The following BCAN variants were observed in gnomAD, a reference collection of about 807,000 sequenced individuals.
The protein encoded by BCAN is brevican, also known as brevican core protein.
A neutral mutation model predicts 92.4 loss-of-function variants in BCAN; 51 were observed. That is an observed-to-expected ratio of 0.55 (90% CI 0.44 to 0.70). The LOEUF is 0.70. BCAN is among the 30% of genes least tolerant of loss of function. BCAN has a pLI of 0.00. For synonymous variants in BCAN, 501 were observed against 505.2 expected, an observed-to-expected ratio of 0.99 and a Z score of 0.11; for missense variants, 1,140 against 1,212.1, an observed-to-expected ratio of 0.94 and a Z score of 0.88.
intron 8 of BCAN, chr1:156,653,434 C>A (rs984825810): frequency 1.0e-6 from 1 of 991,896 alleles, no homozygotes; most frequent in Admixed American, 5.9e-5. Flanking sequence ...GGAAAACAAG[C>A]CTTGGAAATA....
chr1:156,653,117 C>T (rs1453550053), intron 8 of BCAN: 1 of 1,418,220 alleles, frequency 7.1e-7, no homozygotes, highest in Non-Finnish European at 9.2e-7. Flanking sequence ...CCCAGCCCCG[C>T]CACTGACCAT....
chr1:156,653,566 T>C, intron 8 of BCAN: 1 of 975,432 alleles, frequency 1.0e-6, no homozygotes, highest in Non-Finnish European at 1.2e-6. Context: ...CTTCTCTGGC[T>C]CCATGTCTCT....
At chr1:156,657,154 T>G in intron 10 of BCAN, 58 bp downstream of exon 10, 2 of 1,583,654 alleles carry the variant, frequency 1.3e-6, no homozygotes, top group Non-Finnish European at 1.7e-6. Context: ...TCTCTCTCAC[T>G]CGCCTAACCG....
Position 156,651,601 on chromosome 1 carries a change from G to A in BCAN, c.1209G>A (p.Gly403=), listed in dbSNP as rs1571445333. Residue 403 remains glycine, a synonymous_variant, in exon 7 of 14, where the codon GGG becomes GGA. Transcript: ENST00000329117. ...AAGCCACAGAGAGTGAATCCCGTGG[G>A]GCCATCTACTCCATCCCCATCATGG... ...PQEATESESR[G]AIYSIPIMED... is the part of the protein sequence containing the mutation. The A allele has an allele frequency of 1.9e-6, 3 of 1,613,878 alleles. No individual in the cohort carries two copies. The highest frequency in any genetic ancestry group is 1.3e-5 in the African/African-American group (1 of 75,016).
chr1:156,648,458 C>T, intron 5 of BCAN, 110 bp from the exon 6 acceptor site: 1 of 1,198,890 alleles, frequency 8.3e-7, no homozygotes, highest in Non-Finnish European at 1.2e-6. Context: ...GTAGTTGACT[C>T]CCTGCCACAG....
chr1:156,656,816 C>T, intron 9 of BCAN, 122 bp from the exon 10 acceptor site: 4 of 1,357,850 alleles, frequency 2.9e-6, no homozygotes, highest in Non-Finnish European at 4.0e-6. Flanking sequence ...TTTGCACCGC[C>T]CTCCTGTCCC....
At chr1:156,653,225 A>T in intron 8 of BCAN, 1 of 1,272,230 alleles carries the variant, frequency 7.9e-7, no homozygotes, top group African/African-American at 1.5e-5. Context: ...CTCATCACCT[A>T]TTGCAGCCTT....
chr1:156,649,823 C>G, intron 6 of BCAN: 1 of 516,378 alleles, frequency 1.9e-6, no homozygotes, highest in South Asian at 1.4e-5. Flanking sequence ...GTGTCTCGGT[C>G]CTTCCCCAGT....
chr1:156,657,347 A>AG, intron 10 of BCAN: 1 of 595,430 alleles, frequency 1.7e-6, no homozygotes, highest in Non-Finnish European at 2.9e-6. Context: ...GCCGCCGTGC[A>AG]GGGGGCCGCC....
At position 156,658,417 on chromosome 1, in the gene BCAN, G is replaced by A. The variant is rs1451825470; in HGVS notation, c.2438-126G>A. The stretch of plus-strand genomic sequence containing the variant: ...GACCATGGGAGAGCTAACAAGTTAC[G>A]TGGGTCCACTCGGAATCCCTGATCT... On this transcript the variant is annotated intron_variant, in intron 12 of 13. Coordinates refer to ENST00000329117, the MANE Select transcript of BCAN (RefSeq NM_021948.5). The surrounding 1 kb of genome is among the most constrained non-coding windows in gnomAD (Gnocchi z 4.4). 1.2e-5 allele frequency: 18 copies of A among 1,458,468 alleles called. 1 individual carries two copies. The Admixed American group carries it at 1.5e-4, about 12-fold the overall frequency. 90.3% of individuals were successfully genotyped at this position (1,458,468 alleles called of 1,614,324 possible).
intron 8 of BCAN, among the ~76,000 whole-genome samples, chr1:156,655,167 G>A (rs909197094): frequency 1.3e-5 from 2 of 152,244 alleles, no homozygotes; most frequent in African/African-American, 4.8e-5. Flanking sequence ...GTTGGTCTGT[G>A]GAGCCATCTT....
chr1:156,651,422 T>TC (rs1280942791), intron 6 of BCAN, 34 bp from the exon 7 acceptor site: 1 of 1,571,244 alleles, frequency 6.4e-7, no homozygotes, highest in Admixed American at 1.7e-5. Flanking sequence ...AGCTACCTAT[T>TC]CAGGCTCGCA....
intron 1 of BCAN, among the ~76,000 whole-genome samples, chr1:156,645,155 GC>G (rs566107528): frequency 6.7e-4 from 101 of 149,760 alleles, no homozygotes; most frequent in Non-Finnish European, 1.3e-3. Flanking sequence ...GGAAGGGGTA[GC>G]CCCTCCCATT....
Position 156,657,044 on chromosome 1 carries a change from C to A in BCAN, c.2157C>A (p.Tyr719Ter), listed in dbSNP as rs1161535321. ...AGGCAGAGACCCAGTGCCGGATGTA[C>A]GGCGCGCATCTGGCCAGCATCAGCA... ...WEEAETQCRM[Y>*]GAHLASISTP... The change falls in exon 10 of 14, where the codon TAC (tyrosine) becomes TAA (stop). Residue 719 changes from tyrosine to a stop codon, truncating the protein, a stop_gained. Transcript: ENST00000329117. LOFTEE classifies it high-confidence loss of function. 3 of 1,614,210 alleles carry A rather than the reference C, an allele frequency of 1.9e-6. No homozygotes were observed. Among genetic ancestry groups the A allele is most frequent in the Non-Finnish European group, 8.5e-7 (1 of 1,180,004 alleles).
intron 6 of BCAN, 76 bp downstream of exon 6, chr1:156,648,937 C>G (rs959660628): frequency 1.7e-5 from 25 of 1,464,768 alleles, no homozygotes; most frequent in Non-Finnish European, 2.0e-5. Context: ...CTACCCCAGT[C>G]TGATCAGTTT....
At chr1:156,652,154 C>A (rs574412466) in intron 7 of BCAN, 94 bp from the exon 8 acceptor site, 1 of 1,466,650 alleles carries the variant, frequency 6.8e-7, no homozygotes, top group Admixed American at 2.3e-5. Flanking sequence ...CCAGGGCTCA[C>A]CCTCCTGAGC....
At position 156,658,611 on chromosome 1, in the gene BCAN, G is replaced by T. The variant is rs1679421511; in HGVS notation, c.2506G>T (p.Val836Leu). 6.2e-7 allele frequency: 1 copy of T among 1,614,106 alleles called. No individual in the cohort carries two copies. The highest frequency in any genetic ancestry group is 1.1e-5 in the South Asian group (1 of 91,086). The change falls in exon 13 of 14, where the codon GTG (valine) becomes TTG (leucine). Residue 836 changes from valine to leucine, a missense_variant. Around this residue, in one of 3 missense-constraint regions of BCAN, gnomAD observed 825 missense variants for 871.8 expected, o/e 0.95. Coordinates refer to ENST00000329117, the MANE Select transcript of BCAN (RefSeq NM_021948.5). The surrounding 1 kb of genome is among the most constrained non-coding windows in gnomAD (Gnocchi z 4.4). ...VFGRPRLRYE[V>L]DTVLRYRCRE... ...CGGCCGCCCACGGCTGCGCTATGAG[G>T]TGGACACTGTGCTTCGCTACCGGTG...
intron 8 of BCAN, chr1:156,653,518 T>C (rs920211807): frequency 1.5e-4 from 150 of 986,480 alleles, no homozygotes; most frequent in Non-Finnish European, 9.8e-5. Context: ...ACCTCTCTCA[T>C]TCCATGGGTC....
At chr1:156,651,812 T>C in intron 7 of BCAN, 123 bp downstream of exon 7, 1 of 904,690 alleles carries the variant, frequency 1.1e-6, no homozygotes, top group Non-Finnish European at 1.7e-6. Context: ...TCTCAGTAGC[T>C]CAGGGGTGCA....
Sources: allele counts gnomAD v4.1 joint callset (sites outside exome capture counted in the v4.1 genomes callset), GRCh38; gene constraint gnomAD v4.1.1; regional missense constraint gnomAD v4.1.1; non-coding constraint Gnocchi (gnomAD v3.1); transcripts MANE v1.5; gene names NCBI Gene and HGNC (gene_info 2026-07-23, HGNC 2026-07-21).